Variants in OXR1 observed in about 807,000 individuals in gnomAD.
OXR1 encodes the protein oxidation resistance protein 1.
Under a neutral mutation model 104.6 loss-of-function variants are expected in OXR1, and 41 were observed. That is an observed-to-expected ratio of 0.39 (90% CI 0.31 to 0.51). OXR1 has a LOEUF of 0.51. OXR1 is among the 20% of genes least tolerant of loss of function. The pLI, the probability that OXR1 is intolerant of heterozygous loss-of-function variation, is 0.77. For missense variants in OXR1, 955 were observed against 1,031.9 expected (o/e 0.93, Z 1.02); for synonymous variants, 348 against 348.4 (o/e 1.00, Z 0.01).
At chr8:106,278,552 G>A (rs1812152528) in intron 1 of OXR1, among the ~76,000 whole-genome samples, 1 of 151,632 alleles carries the variant, frequency 6.6e-6, no homozygotes, top group Admixed American at 6.6e-5. Context: ...CATCCATTAG[G>A]GCTGTTGAAT....
intron 1 of OXR1, among the ~76,000 whole-genome samples, chr8:106,346,878 A>G (rs1027063829): frequency 3.9e-5 from 6 of 152,172 alleles, no homozygotes; most frequent in Non-Finnish European, 7.3e-5. Context: ...TCTCTACTAA[A>G]AATACAAAAA....
chr8:106,494,934 A>G (rs986919491), intron 2 of OXR1, among the ~76,000 whole-genome samples: 6 of 152,216 alleles, frequency 3.9e-5, no homozygotes, highest in African/African-American at 1.2e-4. Flanking sequence ...TTTAAGTTAT[A>G]TGAGAGCACA....
In OXR1 at chr8:106,379,939, C is replaced by T. The variant is rs1263497993; in HGVS notation, c.23+20303C>T. On this transcript the variant is annotated intron_variant, in intron 2 of 16. Coordinates refer to ENST00000517566, the MANE Select transcript of OXR1 (RefSeq NM_001198533.2). ...ATATTTTTTAATATAACAGCTTTAT[C>T]GAGATAGAATTTACACATCATACAA... Among the ~76,000 whole-genome samples the T allele has an allele frequency of 4.6e-5, 7 of 152,178 alleles. No homozygotes were observed. The East Asian group carries it at 9.7e-4, about 21-fold the overall frequency.
intron 3 of OXR1, among the ~76,000 whole-genome samples, chr8:106,560,003 C>A (rs973469945): frequency 6.6e-6 from 1 of 152,236 alleles, no homozygotes. Flanking sequence ...TTTGCACAGA[C>A]ATGCAGTTCT....
chr8:106,391,278 C>CA lies in OXR1; in HGVS notation c.23+31648dup, dbSNP rs559783939. 4.6e-5 allele frequency among the ~76,000 whole-genome samples: 7 copies of CA among 152,130 alleles called. No individual in the cohort carries two copies. The South Asian group carries it at 1.5e-3, about 32-fold the overall frequency. Reference sequence around the variant, plus strand: ...TAGAAAGATACAGAAATTATATTTACAAAAAATACTTTAACATTTTGCTGT... The same window carrying CA: ...TAGAAAGATACAGAAATTATATTTACAAAAAAATACTTTAACATTTTGCTGT... On this transcript the variant is annotated intron_variant, in intron 2 of 16. Coordinates refer to ENST00000517566, the MANE Select transcript of OXR1 (RefSeq NM_001198533.2).
rs756323820 is a variant in OXR1, at chr8:106,683,158, T to C, written c.304-41T>C. On this transcript the variant is annotated intron_variant, in intron 4 of 16. Transcript: ENST00000517566. ...ATTAAATATTATAGTTTAGTTTTTC[T>C]GTTTTAAACATTGAAATAATTTATT... 33 of 989,936 alleles carry C rather than the reference T, an allele frequency of 3.3e-5. No homozygotes were observed. In the South Asian group the frequency reaches 4.4e-4, roughly 13 times the overall value. The allele number at this position is 989,936 out of a possible 1,614,324, so 61.3% of individuals were successfully genotyped here. A position where few individuals can be genotyped will look rare whatever the true frequency, so the allele number is the denominator to read the frequency against.
intron 3 of OXR1, among the ~76,000 whole-genome samples, chr8:106,547,073 TA>T (rs1289175229): frequency 1.8e-4 from 27 of 152,134 alleles, no homozygotes; most frequent in Non-Finnish European, 3.8e-4. Flanking sequence ...GTATTTTTAG[TA>T]GAGACCGGGT....
intron 11 of OXR1, among the ~76,000 whole-genome samples, chr8:106,728,035 C>G (rs1188092250): frequency 4.0e-5 from 6 of 151,842 alleles, no homozygotes; most frequent in African/African-American, 7.3e-5. Context: ...GTTGTGTAGA[C>G]AAGCTGAAGT....
chr8:106,392,993 G>A (rs1358387723), intron 2 of OXR1, among the ~76,000 whole-genome samples: 1 of 152,100 alleles, frequency 6.6e-6, no homozygotes, highest in Non-Finnish European at 1.5e-5. Flanking sequence ...CCCACACGGG[G>A]GATCTGGAGA....
At chr8:106,694,585 ATATATATTTGATATATAAATATATG>A (rs1829681744) in intron 7 of OXR1, among the ~76,000 whole-genome samples, 1 of 73,990 alleles carries the variant, frequency 1.4e-5, no homozygotes, top group African/African-American at 6.5e-5. Flanking sequence ...ATAAATGTTT[ATATATATTTGATATATAAATATATG>A]TTTATATATA....
chr8:106,354,464 A>C (rs192529329), intron 1 of OXR1, among the ~76,000 whole-genome samples: 2 of 152,138 alleles, frequency 1.3e-5, no homozygotes, highest in African/African-American at 4.8e-5. Flanking sequence ...TGCACAGTAC[A>C]TCTCTTAAAA....
chr8:106,555,917 C>T (rs1203474303), intron 3 of OXR1, among the ~76,000 whole-genome samples: 6 of 43,578 alleles, frequency 1.4e-4, no homozygotes, highest in African/African-American at 4.2e-4. Flanking sequence ...TGTAGGCATA[C>T]GTATATATAT....
At chr8:106,603,343 C>T (rs1245329689) in intron 3 of OXR1, among the ~76,000 whole-genome samples, 1 of 152,050 alleles carries the variant, frequency 6.6e-6, no homozygotes, top group Non-Finnish European at 1.5e-5. Flanking sequence ...TTTCTAAAAA[C>T]ATACAGTGTA....
At chr8:106,305,249 T>G (rs1813421790) in intron 1 of OXR1, among the ~76,000 whole-genome samples, 1 of 152,172 alleles carries the variant, frequency 6.6e-6, no homozygotes, top group Non-Finnish European at 1.5e-5. Context: ...GCCAAATTTG[T>G]GTTAACAAGT....
At chr8:106,592,000 G>A (rs906625588) in intron 3 of OXR1, among the ~76,000 whole-genome samples, 1 of 152,144 alleles carries the variant, frequency 6.6e-6, no homozygotes, top group Non-Finnish European at 1.5e-5. Context: ...CCTTCTTCAC[G>A]TGTACTCAAA....
At chr8:106,568,573 G>A (rs1253657387) in intron 3 of OXR1, among the ~76,000 whole-genome samples, 1 of 152,110 alleles carries the variant, frequency 6.6e-6, no homozygotes, top group Non-Finnish European at 1.5e-5. Flanking sequence ...CTCTTGAAGA[G>A]AGTTGTCCCT....
At chr8:106,404,015 A>G (rs4734912) in intron 2 of OXR1, among the ~76,000 whole-genome samples, 79,392 of 151,894 alleles carry the variant, frequency 0.52, 23,043 homozygotes, top group East Asian at 0.78. Flanking sequence ...GAGGCCTCAG[A>G]GGATACCATT....
chr8:106,707,589 T>TA (rs1831270028), intron 9 of OXR1: 1 of 205,488 alleles, frequency 4.9e-6, no homozygotes, highest in Non-Finnish European at 9.6e-6. Flanking sequence ...AAAGTGTACT[T>TA]ACAGAATTCT....
At chr8:106,609,972 T>C (rs1443863612) in intron 3 of OXR1, among the ~76,000 whole-genome samples, 1 of 152,154 alleles carries the variant, frequency 6.6e-6, no homozygotes, top group Non-Finnish European at 1.5e-5. Context: ...TTCACATCTG[T>C]GGGAAGATGA....
Sources: gnomAD v4.1 joint callset for allele counts (sites outside exome capture counted in the v4.1 genomes callset) on GRCh38, gnomAD v4.1.1 for gene constraint, MANE v1.5 for transcripts, NCBI Gene and HGNC (gene_info 2026-07-23, HGNC 2026-07-21) for gene names.